The following ST3GAL1 variants were observed in gnomAD, a reference collection of about 807,000 sequenced individuals.
ST3GAL1 encodes CMP-N-acetylneuraminate-beta-galactosamide-alpha-2,3-sialyltransferase 1.
A neutral mutation model predicts 34.1 loss-of-function variants in ST3GAL1; 16 were observed. The ratio of observed to expected loss-of-function variants is 0.47; its 90% CI spans 0.32 to 0.71. The LOEUF (loss-of-function observed/expected upper bound fraction) is 0.71, where lower values mean the gene tolerates loss of function less well. Among genes scored for constraint, ST3GAL1 ranks in the 30% least tolerant of loss-of-function variants. The pLI is 0.04. For missense variants in ST3GAL1, 353 were observed against 447.4 expected, an observed-to-expected ratio of 0.79 and a Z score of 1.90; for synonymous variants, 191 against 184.7, an observed-to-expected ratio of 1.03 and a Z score of -0.28.
intron 7 of ST3GAL1, among the ~76,000 whole-genome samples, 165 bp downstream of exon 7, chr8:133,464,613 G>T (rs1476445084): frequency 6.6e-6 from 1 of 152,146 alleles, no homozygotes; most frequent in Admixed American, 6.5e-5. Flanking sequence ...AGAAGAGTTG[G>T]AGTAGTCGGG....
intron 6 of ST3GAL1, among the ~76,000 whole-genome samples, chr8:133,465,208 T>C (rs1483376612): frequency 6.6e-6 from 1 of 152,170 alleles, no homozygotes; most frequent in Non-Finnish European, 1.5e-5. Flanking sequence ...ACAGACAATC[T>C]CATCCAAAGG....
chr8:133,488,717 A>G (rs562765052), intron 3 of ST3GAL1, among the ~76,000 whole-genome samples: 45 of 152,352 alleles, frequency 3.0e-4, no homozygotes, highest in Middle Eastern at 3.4e-3. Flanking sequence ...GAGGGTCCAC[A>G]GGGTGGACAG....
rs77568199 is a variant in ST3GAL1, at chr8:133,471,993, G to A, written c.306+3726C>T. 2.6e-3 allele frequency among the ~76,000 whole-genome samples: 393 copies of A among 152,020 alleles called. 1 individual carries two copies. Among genetic ancestry groups the A allele is most frequent in the African/African-American group, 8.6e-3 (358 of 41,422 alleles). Reference sequence around the variant, plus strand: ...AGTAGAGAAGGCAGAGTCAGCATTCGACATGGCTTGTCTCTGAATTGGACA... The same window carrying A: ...AGTAGAGAAGGCAGAGTCAGCATTCAACATGGCTTGTCTCTGAATTGGACA... On this transcript the variant is annotated intron_variant, in intron 5 of 9. Transcript: ENST00000522652.
chr8:133,529,088 A>G (rs6984425), intron 2 of ST3GAL1, among the ~76,000 whole-genome samples: 58,849 of 152,112 alleles, frequency 0.39, 12,835 homozygotes, highest in East Asian at 0.63. Context: ...CGAGCAGAGC[A>G]TACACAGATT....
At position 133,461,181 on chromosome 8, in the gene ST3GAL1, CCACCAGG is replaced by C. The variant is rs1815483628; in HGVS notation, c.849+687_849+693del. ...ATGCCTCTGACCCTTTCTGAGATTC[CCACCAGG>C]CACCAGGCAGGGTGGGGCTGGGGCT... is the stretch of plus-strand genomic sequence containing the variant. On this transcript the variant is annotated intron_variant, in intron 9 of 9. Coordinates refer to ENST00000522652, the MANE Select transcript of ST3GAL1 (RefSeq NM_173344.3). This position sits in a 1 kb window ranked among gnomAD's most constrained non-coding sequence, Gnocchi z 4.7. Among the ~76,000 whole-genome samples the C allele has an allele frequency of 6.6e-6, 1 of 152,002 alleles. No homozygotes were observed. Among genetic ancestry groups the C allele is most frequent in the African/African-American group, 2.4e-5 (1 of 41,372 alleles).
intron 2 of ST3GAL1, among the ~76,000 whole-genome samples, chr8:133,514,935 G>A (rs561403026): frequency 2.6e-5 from 4 of 151,994 alleles, no homozygotes; most frequent in East Asian, 1.9e-4. Context: ...ATGGCCCCCC[G>A]CTCCCCCAGC....
chr8:133,510,608 T>C (rs1817475705), intron 2 of ST3GAL1, among the ~76,000 whole-genome samples: 1 of 152,202 alleles, frequency 6.6e-6, no homozygotes, highest in African/African-American at 2.4e-5. Flanking sequence ...TTCAATTGCA[T>C]TAATTAACTA....
intron 1 of ST3GAL1, among the ~76,000 whole-genome samples, chr8:133,562,841 C>CCTTCCTTCCTTTCTTTTT (rs1491286901): frequency 4.8e-5 from 4 of 82,496 alleles, no homozygotes; most frequent in African/African-American, 1.8e-4. Flanking sequence ...TTCCTTCCTT[C>CCTTCCTTCCTTTCTTTTT]CTTTCTTTCT....
intron 3 of ST3GAL1, among the ~76,000 whole-genome samples, chr8:133,480,216 G>A (rs896484190): frequency 2.6e-5 from 4 of 152,328 alleles, no homozygotes; most frequent in East Asian, 1.9e-4. Context: ...AGAGCTTAGC[G>A]GGGTCACCAG....
intron 3 of ST3GAL1, among the ~76,000 whole-genome samples, chr8:133,481,685 G>GA (rs1288519076): frequency 6.6e-6 from 1 of 151,874 alleles, no homozygotes; most frequent in Non-Finnish European, 1.5e-5. Context: ...TAGTAGAGAC[G>GA]AGGTTTCTCC....
chr8:133,498,631 A>G (rs924822015), intron 3 of ST3GAL1, among the ~76,000 whole-genome samples: 1 of 152,254 alleles, frequency 6.6e-6, no homozygotes, highest in Non-Finnish European at 1.5e-5. Context: ...AAAACCAAAA[A>G]TACTACAAAC....
Position 133,545,400 on chromosome 8 carries a change from G to A in ST3GAL1, c.-429+374C>T, listed in dbSNP as rs79145206. Among the ~76,000 whole-genome samples the A allele has an allele frequency of 7.2e-3, 1,098 of 152,326 alleles. 7 individuals are homozygous for A. Among genetic ancestry groups the A allele is most frequent in the African/African-American group, 0.025 (1,056 of 41,578 alleles). On this transcript the variant is annotated intron_variant, in intron 2 of 9. Transcript: ENST00000522652. The stretch of plus-strand genomic sequence containing the variant: ...CTTGTCCTGTAGGCCACAGTTTGCT[G>A]ATGCTTGCTCTAGGACACACCAGAG...
At position 133,455,881 on chromosome 8, in the gene ST3GAL1, A is replaced by C. The variant is rs1162066189; in HGVS notation, c.*3883T>G. 6.6e-6 allele frequency: 1 copy of C among 152,264 alleles called. No homozygotes were observed. The highest frequency in any genetic ancestry group is 1.5e-5 in the Non-Finnish European group (1 of 68,052). 9.4% of individuals were successfully genotyped at this position (152,264 alleles called of 1,614,324 possible). A position where few individuals can be genotyped will look rare whatever the true frequency, so the allele number is the denominator to read the frequency against. The stretch of plus-strand genomic sequence containing the variant: ...TGTTCTTTGTGGTTTGAATCCTGGC[A>C]GAGGCCAGGGTCACATCCAAGTGGG... On this transcript the variant is annotated 3_prime_UTR_variant, in exon 10 of 10. Transcript: ENST00000522652.
intron 7 of ST3GAL1, among the ~76,000 whole-genome samples, chr8:133,464,296 A>G (rs760667578): frequency 2.6e-5 from 4 of 152,082 alleles, no homozygotes; most frequent in Non-Finnish European, 1.5e-5. Flanking sequence ...TAAGCTCCTG[A>G]TTGTCAGGGA....
chr8:133,552,483 G>C (rs1225935091), intron 1 of ST3GAL1, among the ~76,000 whole-genome samples: 1 of 152,182 alleles, frequency 6.6e-6, no homozygotes, highest in Non-Finnish European at 1.5e-5. Flanking sequence ...AGAAATTCTG[G>C]GTGTGTGAAC....
intron 2 of ST3GAL1, among the ~76,000 whole-genome samples, chr8:133,511,219 A>G (rs527582453): frequency 2.0e-5 from 3 of 152,324 alleles, no homozygotes; most frequent in African/African-American, 7.2e-5. Flanking sequence ...TAAGGACAGG[A>G]AAGCAAGGTT....
chr8:133,462,558 C>A (rs1815552628), intron 8 of ST3GAL1, among the ~76,000 whole-genome samples: 1 of 152,186 alleles, frequency 6.6e-6, no homozygotes, highest in Non-Finnish European at 1.5e-5. Flanking sequence ...CAGGCCTGGC[C>A]TTGATTCCAC....
chr8:133,542,592 T>G (rs903659030), intron 2 of ST3GAL1, among the ~76,000 whole-genome samples: 4 of 151,998 alleles, frequency 2.6e-5, no homozygotes, highest in Non-Finnish European at 2.9e-5. Context: ...CTGGCCAACA[T>G]GATGAAACCC....
intron 1 of ST3GAL1, among the ~76,000 whole-genome samples, chr8:133,564,581 G>A (rs762236201): frequency 3.5e-5 from 5 of 143,964 alleles, no homozygotes; most frequent in Admixed American, 2.1e-4. Context: ...AACAAACATC[G>A]TCAGAATAAC....
Sources: allele counts gnomAD v4.1 joint callset (sites outside exome capture counted in the v4.1 genomes callset), GRCh38; gene constraint gnomAD v4.1.1; non-coding constraint Gnocchi (gnomAD v3.1); transcripts MANE v1.5; gene names NCBI Gene and HGNC (gene_info 2026-07-23, HGNC 2026-07-21).